The following CAPN1 variants were observed in gnomAD, a reference collection of about 807,000 sequenced individuals.
The protein encoded by CAPN1 is calpain 1.
A neutral mutation model predicts 105.2 loss-of-function variants in CAPN1; 77 were observed. The ratio of observed to expected loss-of-function variants is 0.73; its 90% CI spans 0.61 to 0.88. The LOEUF is 0.88. CAPN1 is among the 40% of genes least tolerant of loss of function. The pLI is 0.00. For synonymous variants in CAPN1, 355 were observed against 388.8 expected, an observed-to-expected ratio of 0.91 and a Z score of 1.02; for missense variants, 833 against 976.6, an observed-to-expected ratio of 0.85 and a Z score of 1.96.
Position 65,185,932 on chromosome 11 carries a change from G to T in CAPN1, c.472G>T (p.Glu158Ter). 1 of 1,585,708 alleles carries T rather than the reference G, an allele frequency of 6.3e-7. No individual in the cohort carries two copies. The highest frequency in any genetic ancestry group is 8.6e-7 in the Non-Finnish European group (1 of 1,165,910). ...IFHFQLWQFG[E>*]WVDVVVDDLL... ...TCCCCCACAGCTGTGGCAATTTGGG[G>T]AGTGGGTGGACGTGGTCGTGGATGA... is the stretch of plus-strand genomic sequence containing the variant. The change falls in exon 5 of 22, where the codon GAG (glutamate) becomes TAG (stop). Residue 158 changes from glutamate to a stop codon, truncating the protein, a stop_gained. Coordinates refer to ENST00000279247, the MANE Select transcript of CAPN1 (RefSeq NM_005186.4). LOFTEE classifies it high-confidence loss of function.
chr11:65,208,029 C>G lies in CAPN1; in HGVS notation c.1606-26C>G, dbSNP rs1318237235. The G allele has an allele frequency of 9.6e-6, 15 of 1,564,462 alleles. No homozygotes were observed. The highest frequency in any genetic ancestry group is 1.9e-4 in the Middle Eastern group (1 of 5,144). On this transcript the variant is annotated intron_variant, in intron 14 of 21. Transcript: ENST00000279247. The surrounding 1 kb of genome is among the most constrained non-coding windows in gnomAD (Gnocchi z 4.1). ...ACGGGCAGGGCCGGGGCCTCTCTTACCTGCTTTCTCCCCTTCTCGGTCCAG... is the reference window on the plus strand; with the variant it reads ...ACGGGCAGGGCCGGGGCCTCTCTTAGCTGCTTTCTCCCCTTCTCGGTCCAG...
At chr11:65,182,540 A>G (rs1260277514) in intron 1 of CAPN1, 161 bp from the exon 2 acceptor site, 2 of 668,690 alleles carry the variant, frequency 3.0e-6, no homozygotes, top group East Asian at 2.9e-5. Flanking sequence ...GAGCACCGGG[A>G]GGTGGCTGAG....
In CAPN1 at chr11:65,187,203, CT is replaced by C; in HGVS notation, c.760-11del. 2 of 1,607,932 alleles carry C rather than the reference CT, an allele frequency of 1.2e-6. No individual in the cohort carries two copies. The highest frequency in any genetic ancestry group is 1.7e-6 in the Non-Finnish European group (2 of 1,176,204). ...CCTAGCCACTGACCACAGTGTGTGCCTCTTTCTGCAGATCTCCAGCGTTCTA... is the reference window on the plus strand; with the variant it reads ...CCTAGCCACTGACCACAGTGTGTGCCCTTTCTGCAGATCTCCAGCGTTCTA... On this transcript the variant is annotated splice_polypyrimidine_tract_variant and intron_variant, in intron 6 of 21. Transcript: ENST00000279247.
Position 65,186,180 on chromosome 11 carries a change from A to C in CAPN1, c.601A>C (p.Ser201Arg). 1 of 1,613,226 alleles carries C rather than the reference A, an allele frequency of 6.2e-7. No individual in the cohort carries two copies. The highest frequency in any genetic ancestry group is 8.5e-7 in the Non-Finnish European group (1 of 1,179,518). Residue 201 changes from serine to arginine, a missense_variant, in exon 6 of 22, where the codon AGC becomes CGC. Coordinates refer to ENST00000279247, the MANE Select transcript of CAPN1 (RefSeq NM_005186.4). ...TGGAGCTGCCCACAGGGTAAATGGC[A>C]GCTACGAGGCCCTGTCAGGGGGCAG... ...LEKAYAKVNG[S>R]YEALSGGSTS...
intron 14 of CAPN1, 52 bp downstream of exon 14, chr11:65,206,871 G>A: frequency 6.5e-7 from 1 of 1,545,454 alleles, no homozygotes; most frequent in Non-Finnish European, 8.8e-7. Context: ...CTCACCCCTG[G>A]GTGTGTGATG....
chr11:65,207,103 G>A (rs1948972633), intron 14 of CAPN1, among the ~76,000 whole-genome samples: 2 of 152,086 alleles, frequency 1.3e-5, no homozygotes, highest in African/African-American at 2.4e-5. Flanking sequence ...AACCCTGTCC[G>A]GGTCTTGTTA....
intron 10 of CAPN1, among the ~76,000 whole-genome samples, chr11:65,191,209 G>A (rs533437810): frequency 9.2e-5 from 14 of 152,222 alleles, no homozygotes; most frequent in Admixed American, 9.2e-4. Context: ...TCTTTCAATA[G>A]AATGTTGTAT....
intron 10 of CAPN1, among the ~76,000 whole-genome samples, chr11:65,195,840 G>A (rs1365221342): frequency 1.3e-5 from 2 of 152,082 alleles, no homozygotes; most frequent in Admixed American, 6.6e-5. Context: ...GTGGAATTTC[G>A]AAGCCATCTG....
intron 10 of CAPN1, among the ~76,000 whole-genome samples, chr11:65,199,480 A>G (rs902778280): frequency 3.2e-4 from 49 of 152,160 alleles, no homozygotes; most frequent in African/African-American, 1.1e-3. Flanking sequence ...CCTTTCAACA[A>G]TTCTAGAAAA....
Position 65,188,448 on chromosome 11 carries a change from C to T in CAPN1, c.964C>T (p.Arg322Trp), listed in dbSNP as rs567949433. The T allele has an allele frequency of 1.2e-5, 20 of 1,612,998 alleles. No individual in the cohort carries two copies. Among genetic ancestry groups the T allele is most frequent in the South Asian group, 4.4e-5 (4 of 90,830 alleles). Residue 322 changes from arginine to tryptophan, a missense_variant, in exon 9 of 22, where the codon CGG becomes TGG. Coordinates refer to ENST00000279247, the MANE Select transcript of CAPN1 (RefSeq NM_005186.4). This position sits in a 1 kb window ranked among gnomAD's most constrained non-coding sequence, Gnocchi z 5.5. ...SEWNNVDPYE[R>W]DQLRVKMEDG... ...GTGGAACAACGTGGACCCATATGAACGGGACCAGCTCCGGGTCAAGATGGA... is the reference window on the plus strand; with the variant it reads ...GTGGAACAACGTGGACCCATATGAATGGGACCAGCTCCGGGTCAAGATGGA...
chr11:65,198,690 C>G (rs953411330), intron 10 of CAPN1, among the ~76,000 whole-genome samples: 4 of 152,120 alleles, frequency 2.6e-5, no homozygotes, highest in Non-Finnish European at 5.9e-5. Context: ...TTTCCATCCA[C>G]CCGAAACATA....
At chr11:65,184,697 G>T (rs1250301448) in intron 4 of CAPN1, among the ~76,000 whole-genome samples, 1 of 152,170 alleles carries the variant, frequency 6.6e-6, no homozygotes, top group Non-Finnish European at 1.5e-5. Flanking sequence ...TGACACAGGT[G>T]CCCCTAACCC....
chr11:65,200,080 CA>C (rs1395339068), intron 10 of CAPN1, among the ~76,000 whole-genome samples: 2 of 152,182 alleles, frequency 1.3e-5, no homozygotes, highest in Non-Finnish European at 2.9e-5. Context: ...TTTTTTGAGA[CA>C]CAGTCTTGCT....
chr11:65,193,962 A>ATTT (rs60784154), intron 10 of CAPN1, among the ~76,000 whole-genome samples: 49 of 76,226 alleles, frequency 6.4e-4, no homozygotes, highest in East Asian at 1.1e-3. Flanking sequence ...CTTTGGATTG[A>ATTT]TTTTTTTTTT....
rs951814887 is a variant in CAPN1, at chr11:65,208,009, C to A, written c.1606-46C>A. The stretch of plus-strand genomic sequence containing the variant: ...CTCCCTCCAGCTGCCTCCACACGGG[C>A]AGGGCCGGGGCCTCTCTTACCTGCT... On this transcript the variant is annotated intron_variant, in intron 14 of 21. Transcript: ENST00000279247. This position sits in a 1 kb window ranked among gnomAD's most constrained non-coding sequence, Gnocchi z 4.1. 1 of 1,493,904 alleles carries A rather than the reference C, an allele frequency of 6.7e-7. No homozygotes were observed. Among genetic ancestry groups the A allele is most frequent in the South Asian group, 1.2e-5 (1 of 82,882 alleles). The allele number at this position is 1,493,904 out of a possible 1,614,324, so 92.5% of individuals were successfully genotyped here. A position where few individuals can be genotyped will look rare whatever the true frequency, so the allele number is the denominator to read the frequency against.
chr11:65,208,509 GTGGC>G lies in CAPN1; in HGVS notation c.1729+249_1729+252del. The G allele has an allele frequency of 1.7e-6, 1 of 577,618 alleles. No individual in the cohort carries two copies. Among genetic ancestry groups the G allele is most frequent in the Non-Finnish European group, 3.1e-6 (1 of 320,492 alleles). 35.8% of individuals were successfully genotyped at this position (577,618 alleles called of 1,614,324 possible). On this transcript the variant is annotated intron_variant, in intron 16 of 21. Transcript: ENST00000279247. The surrounding 1 kb of genome is among the most constrained non-coding windows in gnomAD (Gnocchi z 4.1). ...TAGCAGCGCAGCCTGGCCAGGCACA[GTGGC>G]TCACACCTGTAGTCCCAACACTCTG...
intron 10 of CAPN1, among the ~76,000 whole-genome samples, chr11:65,198,724 G>A (rs530993385): frequency 6.6e-6 from 1 of 151,970 alleles, no homozygotes. Context: ...CCTTTGTTTT[G>A]TTTTCTTTTT....
At chr11:65,181,629 T>A (rs1315355110), upstream of CAPN1, 10 of 337,520 alleles carry the variant, frequency 3.0e-5, no homozygotes, top group Non-Finnish European at 6.0e-5. The surrounding 1 kb of genome is among the most constrained non-coding windows in gnomAD (Gnocchi z 4.6). Context: ...TGCCCGGCCC[T>A]CCCCCTCCGT....
Position 65,201,591 on chromosome 11 carries a change from C to T in CAPN1, c.1166-3092C>T, listed in dbSNP as rs530241801. ...TGAGTGCAGTGGCGCGATCTCGGCT[C>T]ACTGCAAGCTCCGCCTCCCAGGTTC... On this transcript the variant is annotated intron_variant, in intron 10 of 21. Transcript: ENST00000279247. Among the ~76,000 whole-genome samples the T allele has an allele frequency of 9.9e-5, 15 of 152,188 alleles. No individual in the cohort carries two copies. In the South Asian group the frequency reaches 2.9e-3, roughly 29 times the overall value.
Sources: gnomAD v4.1 joint callset for allele counts (sites outside exome capture counted in the v4.1 genomes callset) on GRCh38, gnomAD v4.1.1 for gene constraint, Gnocchi (gnomAD v3.1) non-coding constraint, MANE v1.5 for transcripts, NCBI Gene and HGNC (gene_info 2026-07-23, HGNC 2026-07-21) for gene names.